SPTBN1: variants seen among roughly 807,000 people sequenced by gnomAD.
The protein encoded by SPTBN1 is spectrin beta, non-erythrocytic 1.
Under a neutral mutation model 266.4 loss-of-function variants are expected in SPTBN1, and 32 were observed. That is an observed-to-expected ratio of 0.12 (90% CI 0.09 to 0.16). SPTBN1 has a LOEUF of 0.16. Ranked by LOEUF, SPTBN1 falls within the 10% of genes least tolerant of loss-of-function variation. The pLI is 1.00. For missense variants in SPTBN1, 2,296 were observed against 3,067.1 expected (o/e 0.75, Z 5.94); for synonymous variants, 1,336 against 1,162.2 (o/e 1.15, Z -3.04).
chr2:54,566,251 T>C (rs1188075902), intron 2 of SPTBN1, among the ~76,000 whole-genome samples: 2 of 149,586 alleles, frequency 1.3e-5, no homozygotes, highest in East Asian at 3.9e-4. Flanking sequence ...TGCAGTGGCA[T>C]GATCTCAGCT....
Position 54,631,643 on chromosome 2 carries a change from G to A in SPTBN1, c.3564+32G>A, listed in dbSNP as rs371675253. 1.8e-5 allele frequency: 29 copies of A among 1,586,988 alleles called. No homozygotes were observed. In the East Asian group the frequency reaches 3.6e-4, roughly 20 times the overall value. On this transcript the variant is annotated intron_variant, in intron 16 of 35. Transcript: ENST00000356805. ...TTTGTTCCTGCCTTTGCTTCCTTTCGGTGAAAGCAGCCCTGGCTGCCTTTT... is the reference window on the plus strand; with the variant it reads ...TTTGTTCCTGCCTTTGCTTCCTTTCAGTGAAAGCAGCCCTGGCTGCCTTTT...
intron 2 of SPTBN1, among the ~76,000 whole-genome samples, chr2:54,573,607 C>T (rs1251048963): frequency 6.6e-6 from 1 of 152,208 alleles, no homozygotes; most frequent in Non-Finnish European, 1.5e-5. Flanking sequence ...TTCCTCCTCC[C>T]TCAGCGGGAA....
Position 54,664,694 on chromosome 2 carries a change from A to G in SPTBN1, c.6659+3A>G. 1 of 1,613,760 alleles carries G rather than the reference A, an allele frequency of 6.2e-7. No homozygotes were observed. The highest frequency in any genetic ancestry group is 8.5e-7 in the Non-Finnish European group (1 of 1,179,786). On this transcript the variant is annotated splice_donor_region_variant and intron_variant, in intron 33 of 35. Coordinates refer to ENST00000356805, the MANE Select transcript of SPTBN1 (RefSeq NM_003128.3). This position sits in a 1 kb window ranked among gnomAD's most constrained non-coding sequence, Gnocchi z 5.6. ...CACAATAAGAAAGCCTCAAGCAGGTAACAGCAGCAGAGGCTGCCACAGTAA... is the reference window on the plus strand; with the variant it reads ...CACAATAAGAAAGCCTCAAGCAGGTGACAGCAGCAGAGGCTGCCACAGTAA...
At chr2:54,459,041 A>G (rs1693222044) in intron 1 of SPTBN1, among the ~76,000 whole-genome samples, 1 of 152,152 alleles carries the variant, frequency 6.6e-6, no homozygotes, top group Non-Finnish European at 1.5e-5. Context: ...ATTTTTATGA[A>G]TGTTGTTCCC....
intron 1 of SPTBN1, among the ~76,000 whole-genome samples, chr2:54,499,715 G>A (rs1470445367): frequency 6.6e-6 from 1 of 152,186 alleles, no homozygotes; most frequent in Non-Finnish European, 1.5e-5. Context: ...GCATTTTCTG[G>A]TAGATAAAGC....
intron 1 of SPTBN1, among the ~76,000 whole-genome samples, chr2:54,513,760 T>C (rs1284560226): frequency 1.3e-5 from 2 of 152,230 alleles, no homozygotes; most frequent in African/African-American, 2.4e-5. Context: ...CTCTTCTCTG[T>C]ATGTGGAACA....
intron 2 of SPTBN1, among the ~76,000 whole-genome samples, chr2:54,574,234 C>T (rs1674300395): frequency 3.9e-5 from 6 of 152,090 alleles, no homozygotes; most frequent in Admixed American, 6.6e-5. Flanking sequence ...GGCGTTATCT[C>T]TGTTTACAGA....
intron 17 of SPTBN1, among the ~76,000 whole-genome samples, chr2:54,635,839 A>G (rs1321589922): frequency 1.3e-5 from 2 of 152,256 alleles, no homozygotes; most frequent in African/African-American, 4.8e-5. Flanking sequence ...CCCTAGAAAT[A>G]GAACTGGAAT....
Position 54,563,593 on chromosome 2 carries a change from CTTTTTTTTTTTTTT to C in SPTBN1, c.149-35484_149-35471del, listed in dbSNP as rs750173696. ...CTCTGAATCATGAAGAAAATTTATT[CTTTTTTTTTTTTTT>C]TTTTTTTTTTTTTTGAGACGGGGTC... On this transcript the variant is annotated intron_variant, in intron 2 of 35. Transcript: ENST00000356805. Among the ~76,000 whole-genome samples the C allele has an allele frequency of 1.4e-4, 9 of 64,456 alleles. No homozygotes were observed. In the South Asian group the frequency reaches 2.3e-3, roughly 16 times the overall value. 42.3% of individuals were successfully genotyped at this position (64,456 alleles called of 152,430 possible).
intron 2 of SPTBN1, among the ~76,000 whole-genome samples, chr2:54,553,727 G>C (rs747302623): frequency 6.6e-6 from 1 of 152,200 alleles, no homozygotes; most frequent in Non-Finnish European, 1.5e-5. Context: ...AAGGTTGAAT[G>C]TGTACAAATC....
intron 2 of SPTBN1, among the ~76,000 whole-genome samples, chr2:54,549,392 T>C (rs1480956967): frequency 6.6e-6 from 1 of 152,212 alleles, no homozygotes; most frequent in East Asian, 1.9e-4. Flanking sequence ...CAGGATTTCC[T>C]TGCTTTTAAG....
intron 2 of SPTBN1, among the ~76,000 whole-genome samples, chr2:54,577,462 G>C (rs1315160204): frequency 6.6e-6 from 1 of 152,124 alleles, no homozygotes; most frequent in Non-Finnish European, 1.5e-5. Flanking sequence ...CAAAAGAAAA[G>C]GTATATGGAT....
At chr2:54,577,469 G>T (rs1223272513) in intron 2 of SPTBN1, among the ~76,000 whole-genome samples, 1 of 152,150 alleles carries the variant, frequency 6.6e-6, no homozygotes, top group African/African-American at 2.4e-5. Flanking sequence ...AAAGGTATAT[G>T]GATTCTCATG....
intron 2 of SPTBN1, among the ~76,000 whole-genome samples, chr2:54,567,058 G>C (rs116138569): frequency 6.6e-5 from 10 of 152,316 alleles, no homozygotes; most frequent in Non-Finnish European, 1.3e-4. Context: ...AGCAGCTGTC[G>C]TCTGGTTAAA....
chr2:54,476,817 A>G (rs1350982694), intron 1 of SPTBN1, among the ~76,000 whole-genome samples: 1 of 152,244 alleles, frequency 6.6e-6, no homozygotes, highest in African/African-American at 2.4e-5. Flanking sequence ...ATTGCAAATC[A>G]AATTGCAGGC....
intron 26 of SPTBN1, among the ~76,000 whole-genome samples, chr2:54,651,657 C>G (rs532919149): frequency 1.3e-5 from 2 of 152,330 alleles, no homozygotes; most frequent in South Asian, 4.1e-4. Flanking sequence ...TTGCTGTCCT[C>G]TTGTACCTTA....
intron 17 of SPTBN1, among the ~76,000 whole-genome samples, chr2:54,634,568 A>G (rs1301878099): frequency 3.3e-5 from 5 of 152,240 alleles, no homozygotes; most frequent in Non-Finnish European, 5.9e-5. Flanking sequence ...TAATATCCCC[A>G]GAGGCCCACA....
chr2:54,604,348 C>CTT (rs995023574), intron 3 of SPTBN1, among the ~76,000 whole-genome samples: 1 of 151,598 alleles, frequency 6.6e-6, no homozygotes, highest in African/African-American at 2.4e-5. Context: ...CTCTCAGAAG[C>CTT]TTTTTTTTTC....
At chr2:54,564,275 G>A (rs1246726947) in intron 2 of SPTBN1, among the ~76,000 whole-genome samples, 1 of 152,198 alleles carries the variant, frequency 6.6e-6, no homozygotes, top group Non-Finnish European at 1.5e-5. Flanking sequence ...TTGAGGAAAA[G>A]ATAGCACTTT....
Sources: gnomAD v4.1 joint callset for allele counts (sites outside exome capture counted in the v4.1 genomes callset) on GRCh38, gnomAD v4.1.1 for gene constraint, Gnocchi (gnomAD v3.1) non-coding constraint, MANE v1.5 for transcripts, NCBI Gene and HGNC (gene_info 2026-07-23, HGNC 2026-07-21) for gene names.